The following ABCC1 variants were observed in gnomAD, a reference collection of about 807,000 sequenced individuals.
ABCC1 encodes ATP binding cassette subfamily C member 1 (ABCC1 blood group).
ABCC1 carries 83 observed loss-of-function variants against 172.9 expected under a neutral mutation model. The observed-to-expected ratio is 0.48, with a 90% CI of 0.40 to 0.58. The LOEUF is 0.58. ABCC1 is among the 20% of genes least tolerant of loss of function. ABCC1 has a pLI of 0.00. For missense variants in ABCC1, 1,817 were observed against 2,002.7 expected (o/e 0.91, Z 1.77); for synonymous variants, 937 against 825.2 (o/e 1.14, Z -2.32).
chr16:16,133,812 G>A (rs1033467420), intron 27 of ABCC1, among the ~76,000 whole-genome samples: 1 of 152,180 alleles, frequency 6.6e-6, no homozygotes, highest in African/African-American at 2.4e-5. Flanking sequence ...CAAGAGCCAG[G>A]CAGGAAGGGG....
At chr16:16,096,853 C>T (rs1224289342) in intron 19 of ABCC1, among the ~76,000 whole-genome samples, 3 of 152,112 alleles carry the variant, frequency 2.0e-5, no homozygotes. Context: ...ATCCAAAACC[C>T]AACACCTGGT....
At chr16:16,010,037 C>CTTTTTTT (rs71388789) in intron 3 of ABCC1, 136 bp downstream of exon 3, 3,320 of 107,502 alleles carry the variant, frequency 0.031, 416 homozygotes, top group Non-Finnish European at 0.037. Context: ...TAAATGTAGC[C>CTTTTTTT]TTTTTTTTTT....
rs148078504 is a variant in ABCC1 at position 16,059,316 on chromosome 16, G to A, written c.1677+3021G>A. On this transcript the variant is annotated intron_variant, in intron 12 of 30. Coordinates refer to ENST00000399410, the MANE Select transcript of ABCC1 (RefSeq NM_004996.4). ...AGAAACTTTTTCTGTAAATACTTTCGGAATTCCGGGCCATACAGTCTCTGT... is the reference window on the plus strand; with the variant it reads ...AGAAACTTTTTCTGTAAATACTTTCAGAATTCCGGGCCATACAGTCTCTGT... Among the ~76,000 whole-genome samples, 237 of 152,170 alleles carry A rather than the reference G, an allele frequency of 1.6e-3. 1 individual carries two copies. Among genetic ancestry groups the A allele is most frequent in the African/African-American group, 5.4e-3 (224 of 41,502 alleles).
intron 5 of ABCC1, among the ~76,000 whole-genome samples, chr16:16,020,990 A>G (rs541500557): frequency 6.6e-6 from 1 of 152,156 alleles, no homozygotes; most frequent in South Asian, 2.1e-4. Context: ...GCTGAATGGG[A>G]GGGTCTTGGC....
chr16:16,122,364 T>A (rs1005629327), intron 24 of ABCC1, among the ~76,000 whole-genome samples, 190 bp downstream of exon 24: 1 of 152,132 alleles, frequency 6.6e-6, no homozygotes, highest in Non-Finnish European at 1.5e-5. Context: ...ACTGTAGACA[T>A]GCAGTGCCCG....
Position 15,969,229 on chromosome 16 carries a change from C to G in ABCC1, c.48+19430C>G, listed in dbSNP as rs1036311699. On this transcript the variant is annotated intron_variant, in intron 1 of 30. Transcript: ENST00000399410. ...AGAAAAACAAAACAAAACATATAGT[C>G]TTTATTTTTTTGTTTGCGTGGGCTG... 2.6e-5 allele frequency among the ~76,000 whole-genome samples: 4 copies of G among 152,020 alleles called. No homozygotes were observed. In the East Asian group the frequency reaches 7.7e-4, roughly 29 times the overall value.
chr16:16,107,752 C>T (rs2052197032), intron 21 of ABCC1, among the ~76,000 whole-genome samples: 1 of 151,896 alleles, frequency 6.6e-6, no homozygotes, highest in Non-Finnish European at 1.5e-5. Context: ...CTATTTTGGG[C>T]AAGTGTTAAT....
At chr16:15,998,341 T>G (rs1175485584) in intron 1 of ABCC1, among the ~76,000 whole-genome samples, 1 of 151,480 alleles carries the variant, frequency 6.6e-6, no homozygotes, top group African/African-American at 2.4e-5. Flanking sequence ...TGCCCAGGCT[T>G]TTCTTGAACT....
intron 14 of ABCC1, among the ~76,000 whole-genome samples, chr16:16,074,127 T>C (rs1209100917): frequency 6.6e-6 from 1 of 152,152 alleles, no homozygotes; most frequent in East Asian, 1.9e-4. Flanking sequence ...AGACACATTG[T>C]TCTTTGTGGT....
chr16:16,047,966 T>C (rs35592), intron 9 of ABCC1, among the ~76,000 whole-genome samples, 176 bp from the exon 10 acceptor site: 49,737 of 151,728 alleles, frequency 0.33, 9,145 homozygotes, highest in African/African-American at 0.5. Context: ...CGGATAAGAA[T>C]GTGGGCTTTG....
rs115106701 is a variant in ABCC1, at chr16:15,951,318, G to A, written c.48+1519G>A. On this transcript the variant is annotated intron_variant, in intron 1 of 30. Transcript: ENST00000399410. ...TATTGATGGCAATTGGTAGTTGATG[G>A]CTAATGAGTATGTTTGGGGTGCGCT... Among the ~76,000 whole-genome samples, 550 of 152,258 alleles carry A rather than the reference G, an allele frequency of 3.6e-3. 7 individuals are homozygous for A. Among genetic ancestry groups the A allele is most frequent in the African/African-American group, 0.013 (530 of 41,542 alleles).
intron 24 of ABCC1, among the ~76,000 whole-genome samples, chr16:16,123,775 GC>G (rs1412075348): frequency 6.6e-6 from 1 of 152,156 alleles, no homozygotes; most frequent in Non-Finnish European, 1.5e-5. Flanking sequence ...ACTTTGGGTG[GC>G]CAAGGCAGGC....
At chr16:15,982,820 A>AAAAAAAAAAAAAAAAAAAAAAAAAC (rs1567285628) in intron 1 of ABCC1, among the ~76,000 whole-genome samples, 1 of 150,044 alleles carries the variant, frequency 6.7e-6, no homozygotes, top group Non-Finnish European at 1.5e-5. Flanking sequence ...AAAAAAAAAA[A>AAAAAAAAAAAAAAAAAAAAAAAAAC]AAAAGGAAAT....
rs951088878 is a variant in ABCC1 at position 15,979,056 on chromosome 16, G to A, written c.49-28760G>A. Reference sequence around the variant, plus strand: ...ACCCGTAGTCCCAGCACTTCGGGGGGCCCAGGTGGGCGGATCATGAGGTCA... The same window carrying A: ...ACCCGTAGTCCCAGCACTTCGGGGGACCCAGGTGGGCGGATCATGAGGTCA... On this transcript the variant is annotated intron_variant, in intron 1 of 30. Coordinates refer to ENST00000399410, the MANE Select transcript of ABCC1 (RefSeq NM_004996.4). 2.6e-4 allele frequency among the ~76,000 whole-genome samples: 39 copies of A among 152,168 alleles called. 1 individual carries two copies. The highest frequency in any genetic ancestry group is 6.7e-4 in the African/African-American group (28 of 41,496).
intron 1 of ABCC1, among the ~76,000 whole-genome samples, chr16:15,979,562 C>G (rs1434681137): frequency 6.6e-6 from 1 of 151,832 alleles, no homozygotes; most frequent in African/African-American, 2.4e-5. Flanking sequence ...TATGATGCAC[C>G]TATAAAGTGT....
chr16:16,059,021 G>A (rs770069151), intron 12 of ABCC1, among the ~76,000 whole-genome samples: 1 of 151,794 alleles, frequency 6.6e-6, no homozygotes, highest in Non-Finnish European at 1.5e-5. Flanking sequence ...AGTAGGTCTG[G>A]TTGGGGCCTG....
rs557078833 is a variant in ABCC1 at position 15,958,853 on chromosome 16, C to G, written c.48+9054C>G. ...GAGCACAGTTGCTCAGTGTCGGCCC[C>G]GTTGACATGTAGGCCACATCATTCT... is the stretch of plus-strand genomic sequence containing the variant. On this transcript the variant is annotated intron_variant, in intron 1 of 30. Coordinates refer to ENST00000399410, the MANE Select transcript of ABCC1 (RefSeq NM_004996.4). Among the ~76,000 whole-genome samples the G allele has an allele frequency of 3.3e-5, 5 of 152,092 alleles. No individual in the cohort carries two copies. The South Asian group carries it at 1.0e-3, about 31-fold the overall frequency.
intron 23 of ABCC1, among the ~76,000 whole-genome samples, chr16:16,117,807 G>A (rs1047259214): frequency 6.6e-5 from 10 of 152,308 alleles, no homozygotes; most frequent in African/African-American, 2.4e-4. Context: ...TCTGAAGGCT[G>A]AGACAGGAGA....
At chr16:16,024,298 A>AGGGGG (rs202164218) in intron 5 of ABCC1, among the ~76,000 whole-genome samples, 1 of 4,128 alleles carries the variant, frequency 2.4e-4, no homozygotes, top group Admixed American at 4.2e-3. Context: ...GGCAAGAGTC[A>AGGGGG]GCATCAGAGA....
Sources: allele counts gnomAD v4.1 joint callset (sites outside exome capture counted in the v4.1 genomes callset), GRCh38; gene constraint gnomAD v4.1.1; transcripts MANE v1.5; gene names NCBI Gene and HGNC (gene_info 2026-07-23, HGNC 2026-07-21).